The following DLEU7 variants were observed in gnomAD, a reference collection of about 807,000 sequenced individuals.
DLEU7 encodes the protein deleted in lymphocytic leukemia 7.
Under a neutral mutation model 16.0 loss-of-function variants are expected in DLEU7, and 17 were observed. That is an observed-to-expected ratio of 1.06 (90% confidence interval 0.73 to 1.59). DLEU7 has a LOEUF of 1.59. DLEU7 is among the 40% of genes most tolerant of loss of function. The pLI is 0.00. For synonymous variants in DLEU7, 113 were observed against 139.8 expected (o/e 0.81, Z 1.35); for missense variants, 308 against 314.9 (o/e 0.98, Z 0.17).
intron 1 of DLEU7, among the ~76,000 whole-genome samples, chr13:50,817,066 T>C (rs1876756412): frequency 6.6e-6 from 1 of 152,172 alleles, no homozygotes; most frequent in African/African-American, 2.4e-5. Flanking sequence ...TCCCTGTGAA[T>C]TGGTTTTTCT....
At chr13:50,797,999 C>CAGAT (rs1876149051) in intron 1 of DLEU7, among the ~76,000 whole-genome samples, 1 of 152,180 alleles carries the variant, frequency 6.6e-6, no homozygotes, top group Non-Finnish European at 1.5e-5. Flanking sequence ...CACAGTCTAA[C>CAGAT]AGATGGGTAG....
intron 1 of DLEU7, among the ~76,000 whole-genome samples, chr13:50,806,976 C>CAAAAAAAAAAAA (rs556761618): frequency 9.2e-5 from 5 of 54,186 alleles, no homozygotes; most frequent in African/African-American, 3.5e-4. Flanking sequence ...GACTCCCTCT[C>CAAAAAAAAAAAA]AAAAAAAAAA....
At position 50,741,128 on chromosome 13, in the gene DLEU7, A is replaced by C. The variant is rs538511098; in HGVS notation, c.460-27888T>G. 9.8e-5 allele frequency among the ~76,000 whole-genome samples: 15 copies of C among 152,320 alleles called. No individual in the cohort carries two copies. The South Asian group carries it at 3.1e-3, about 32-fold the overall frequency. Reference sequence around the variant, plus strand: ...TCAACGTATTTCTACTGTATTAGGAACAATGCTCCAAACAGAAGGGATGCA... The same window carrying C: ...TCAACGTATTTCTACTGTATTAGGACCAATGCTCCAAACAGAAGGGATGCA... On this transcript the variant is annotated intron_variant, in intron 1 of 1. Coordinates refer to the DLEU7 transcript ENST00000400393.
intron 1 of DLEU7, among the ~76,000 whole-genome samples, chr13:50,810,944 G>T (rs368554797): frequency 7.2e-5 from 11 of 152,148 alleles, no homozygotes. Context: ...GAGATAGAAA[G>T]TGTTCTGAAC....
chr13:50,723,795 T>TG (rs990425447), intron 1 of DLEU7, among the ~76,000 whole-genome samples: 18 of 152,044 alleles, frequency 1.2e-4, no homozygotes, highest in Non-Finnish European at 2.5e-4. Context: ...TGAATCTTTC[T>TG]GGGGTGCAGT....
At chr13:50,817,801 T>C (rs1268536178) in intron 1 of DLEU7, among the ~76,000 whole-genome samples, 1 of 152,052 alleles carries the variant, frequency 6.6e-6, no homozygotes, top group Non-Finnish European at 1.5e-5. Context: ...AGATAGTTCC[T>C]CAATCAGTGT....
intron 1 of DLEU7, among the ~76,000 whole-genome samples, chr13:50,824,918 C>T (rs1167763909): frequency 1.3e-5 from 2 of 152,100 alleles, no homozygotes; most frequent in Non-Finnish European, 2.9e-5. Flanking sequence ...CAAGATTAAA[C>T]TCTAAGAATT....
rs1226427959 is a variant in DLEU7, at chr13:50,804,418, G to GT, written c.459+38769_459+38770insA. On this transcript the variant is annotated intron_variant, in intron 1 of 1. Coordinates refer to the DLEU7 transcript ENST00000400393. ...CAGTGTAATGTTGTTCGTTTTATGG[G>GT]GTTTTTTTTTTTTCTGTTGTTGTTG... is the stretch of plus-strand genomic sequence containing the variant. Among the ~76,000 whole-genome samples, 6 of 150,868 alleles carry GT rather than the reference G, an allele frequency of 4.0e-5. No homozygotes were observed. The East Asian group carries it at 7.8e-4, about 20-fold the overall frequency.
chr13:50,720,195 C>T (rs1046197092), intron 1 of DLEU7, among the ~76,000 whole-genome samples: 3 of 152,158 alleles, frequency 2.0e-5, no homozygotes, highest in Non-Finnish European at 2.9e-5. Context: ...ACCAGGGCAT[C>T]GTCCCTTTTG....
chr13:50,765,429 GGAAGGAGAAA>G (rs1875074063), intron 1 of DLEU7, among the ~76,000 whole-genome samples: 1 of 151,876 alleles, frequency 6.6e-6, no homozygotes, highest in African/African-American at 2.4e-5. Context: ...AAAATGAGGA[GGAAGGAGAAA>G]GAAGAGGAGG....
rs187310426 is a variant in DLEU7, at chr13:50,769,487, A to G, written c.460-56247T>C. 5.4e-4 allele frequency among the ~76,000 whole-genome samples: 82 copies of G among 152,190 alleles called. No homozygotes were observed. In the East Asian group the frequency reaches 8.1e-3, roughly 15 times the overall value. On this transcript the variant is annotated intron_variant, in intron 1 of 1. Coordinates refer to the DLEU7 transcript ENST00000400393. ...GTATAAGGTATAAGGAAGGGATCCA[A>G]TTTCAGCTTTCTACATATGGCTAGC...
intron 1 of DLEU7, among the ~76,000 whole-genome samples, chr13:50,747,750 T>C (rs1478477002): frequency 2.6e-5 from 4 of 152,154 alleles, no homozygotes; most frequent in Admixed American, 2.6e-4. Context: ...AACTTTGACT[T>C]ATGCAGTTGA....
intron 1 of DLEU7, among the ~76,000 whole-genome samples, chr13:50,770,406 G>A (rs1875262629): frequency 6.6e-6 from 1 of 152,074 alleles, no homozygotes; most frequent in African/African-American, 2.4e-5. Flanking sequence ...TTGGCTGTGG[G>A]TTTTTCATAA....
intron 1 of DLEU7, among the ~76,000 whole-genome samples, chr13:50,774,591 C>A (rs1254030638): frequency 5.3e-5 from 8 of 151,894 alleles, no homozygotes; most frequent in African/African-American, 1.9e-4. Context: ...TTGCACTTAC[C>A]CTATTTGGGA....
At chr13:50,773,937 A>C (rs1037961112) in intron 1 of DLEU7, among the ~76,000 whole-genome samples, 9 of 152,300 alleles carry the variant, frequency 5.9e-5, no homozygotes, top group African/African-American at 2.2e-4. Flanking sequence ...TTGAGCTTCC[A>C]GGCCACTTTG....
At chr13:50,815,644 T>A (rs1243897071) in intron 1 of DLEU7, among the ~76,000 whole-genome samples, 1 of 152,142 alleles carries the variant, frequency 6.6e-6, no homozygotes, top group African/African-American at 2.4e-5. Flanking sequence ...TAGGAATGTT[T>A]GCTTCTAAAT....
chr13:50,749,886 T>C (rs1025544162), intron 1 of DLEU7, among the ~76,000 whole-genome samples: 11 of 152,214 alleles, frequency 7.2e-5, no homozygotes, highest in African/African-American at 2.4e-4. Flanking sequence ...ACTCTGTGGG[T>C]TGTCTGTTTA....
At chr13:50,722,243 T>C (rs1593527741) in intron 1 of DLEU7, among the ~76,000 whole-genome samples, 1 of 152,224 alleles carries the variant, frequency 6.6e-6, no homozygotes, top group South Asian at 2.1e-4. Flanking sequence ...GTCCTGGTTT[T>C]AAGCCCAGAG....
In DLEU7 at chr13:50,843,178, C is replaced by T; in HGVS notation, c.459+10G>A. On this transcript the variant is annotated intron_variant, in intron 1 of 1. Coordinates refer to ENST00000504404, the MANE Select transcript of DLEU7 (RefSeq NM_001306135.2). The surrounding 1 kb of genome is among the most constrained non-coding windows in gnomAD (Gnocchi z 5.7). ...TGCACGCCAGAGGGGATGGCGGGGG[C>T]CAGACTCACCTTCAGGTGAATGGGA... The T allele has an allele frequency of 6.3e-7, 1 of 1,587,412 alleles. No homozygotes were observed. The highest frequency in any genetic ancestry group is 2.4e-5 in the East Asian group (1 of 41,526).
Sources: gnomAD v4.1 joint callset for allele counts (sites outside exome capture counted in the v4.1 genomes callset) on GRCh38, gnomAD v4.1.1 for gene constraint, Gnocchi (gnomAD v3.1) non-coding constraint, MANE v1.5 for transcripts, NCBI Gene and HGNC (gene_info 2026-07-23, HGNC 2026-07-21) for gene names.